Variants in FBLN1 observed in about 807,000 individuals in gnomAD.
The protein encoded by FBLN1 is fibulin-1.
FBLN1 carries 34 observed loss-of-function variants against 89.7 expected under a neutral mutation model. The observed-to-expected ratio is 0.38, with a 90% CI of 0.29 to 0.50. FBLN1 has a LOEUF of 0.50. Ranked by LOEUF, FBLN1 falls within the 20% of genes least tolerant of loss-of-function variation. FBLN1 has a pLI of 0.92. For missense variants in FBLN1, 777 were observed against 988.1 expected (o/e 0.79, Z 2.86); for synonymous variants, 393 against 391.3 (o/e 1.00, Z -0.05).
At chr22:45,510,616 G>C (rs2088086464) in intron 1 of FBLN1, among the ~76,000 whole-genome samples, 1 of 152,132 alleles carries the variant, frequency 6.6e-6, no homozygotes, top group Non-Finnish European at 1.5e-5. Context: ...CTTCTGCGAT[G>C]TTTACAGCTA....
chr22:45,541,402 C>T (rs2146980193), intron 9 of FBLN1, 30 bp downstream of exon 9: 1 of 1,613,916 alleles, frequency 6.2e-7, no homozygotes, highest in Non-Finnish European at 8.5e-7. Flanking sequence ...ATCTGAAATC[C>T]ACTTTCCTGT....
In FBLN1 at chr22:45,526,915, A is replaced by T. The variant is rs1487016605; in HGVS notation, c.322-932A>T. 2.0e-5 allele frequency among the ~76,000 whole-genome samples: 3 copies of T among 151,788 alleles called. No homozygotes were observed. In the East Asian group the frequency reaches 5.8e-4, roughly 30 times the overall value. On this transcript the variant is annotated intron_variant, in intron 3 of 16. Transcript: ENST00000327858. Reference sequence around the variant, plus strand: ...AGCTGTGCCCATGTCCCCAGACTTGAGAGGTGTGGAAAAAGCACAGAACAT... The same window carrying T: ...AGCTGTGCCCATGTCCCCAGACTTGTGAGGTGTGGAAAAAGCACAGAACAT...
At position 45,532,443 on chromosome 22, in the gene FBLN1, A is replaced by G. The variant is rs1040481867; in HGVS notation, c.545-620A>G. On this transcript the variant is annotated intron_variant, in intron 5 of 16. Transcript: ENST00000327858. This position sits in a 1 kb window ranked among gnomAD's most constrained non-coding sequence, Gnocchi z 4.2. Reference sequence around the variant, plus strand: ...CAGGGCCAGAGAGAGGGGCCCTAGAAGCAGGCAGGCTGGCAGCAGTTAGAA... The same window carrying G: ...CAGGGCCAGAGAGAGGGGCCCTAGAGGCAGGCAGGCTGGCAGCAGTTAGAA... Among the ~76,000 whole-genome samples the G allele has an allele frequency of 2.0e-5, 3 of 152,054 alleles. No individual in the cohort carries two copies. Among genetic ancestry groups the G allele is most frequent in the Non-Finnish European group, 4.4e-5 (3 of 67,972 alleles).
At chr22:45,521,112 G>A (rs1455687734) in intron 2 of FBLN1, among the ~76,000 whole-genome samples, 2 of 152,178 alleles carry the variant, frequency 1.3e-5, no homozygotes, top group Admixed American at 6.5e-5. Context: ...CACTGCGCCC[G>A]GCCAATTTTG....
rs372131154 is a variant in FBLN1, at chr22:45,552,364, G to A, written c.1697+1749G>A. 9.2e-5 allele frequency among the ~76,000 whole-genome samples: 14 copies of A among 152,310 alleles called. No homozygotes were observed. In the East Asian group the frequency reaches 2.5e-3, roughly 27 times the overall value. ...CTGAAACCTGGGCCCTGTGTGCTGTGCAGTAAGGGATTGAGCTGCTGGGCG... is the reference window on the plus strand; with the variant it reads ...CTGAAACCTGGGCCCTGTGTGCTGTACAGTAAGGGATTGAGCTGCTGGGCG... On this transcript the variant is annotated intron_variant, in intron 14 of 16. Coordinates refer to ENST00000327858, the MANE Select transcript of FBLN1 (RefSeq NM_006486.3).
rs2088671953 is a variant in FBLN1, at chr22:45,549,322, G to C, written c.1573+578G>C. On this transcript the variant is annotated intron_variant, in intron 13 of 16. Transcript: ENST00000327858. This position sits in a 1 kb window ranked among gnomAD's most constrained non-coding sequence, Gnocchi z 5.7. ...GATGTTTGTGAGCGCGTGATCCTCA[G>C]TGTACACACTGCGCCCAGAAGCTGA... Among the ~76,000 whole-genome samples the C allele has an allele frequency of 6.6e-6, 1 of 152,218 alleles. No individual in the cohort carries two copies. Among genetic ancestry groups the C allele is most frequent in the African/African-American group, 2.4e-5 (1 of 41,448 alleles).
chr22:45,558,274 G>T, intron 14 of FBLN1: 1 of 495,300 alleles, frequency 2.0e-6, no homozygotes, highest in Non-Finnish European at 3.7e-6. Flanking sequence ...TTTATGGCTA[G>T]ATGGGTCAGA....
At chr22:45,558,134 A>T in intron 14 of FBLN1, 1 of 715,698 alleles carries the variant, frequency 1.4e-6, no homozygotes, top group Non-Finnish European at 2.6e-6. Context: ...GCAAGTTGGC[A>T]GGAGTGGAGA....
Position 45,550,184 on chromosome 22 carries a change from C to G in FBLN1, c.1574-308C>G, listed in dbSNP as rs2088683561. 6.6e-6 allele frequency among the ~76,000 whole-genome samples: 1 copy of G among 152,188 alleles called. No individual in the cohort carries two copies. Among genetic ancestry groups the G allele is most frequent in the South Asian group, 2.1e-4 (1 of 4,828 alleles). On this transcript the variant is annotated intron_variant, in intron 13 of 16. Transcript: ENST00000327858. This position sits in a 1 kb window ranked among gnomAD's most constrained non-coding sequence, Gnocchi z 8.4. Reference sequence around the variant, plus strand: ...ATAACAGTATCTGCCTCATTGAGTTCTTAGGAGGATTCAGTGACTTATCCT... The same window carrying G: ...ATAACAGTATCTGCCTCATTGAGTTGTTAGGAGGATTCAGTGACTTATCCT...
chr22:45,589,792 C>A (rs1325054005), intron 16 of FBLN1, among the ~76,000 whole-genome samples: 6 of 151,986 alleles, frequency 3.9e-5, no homozygotes, highest in Non-Finnish European at 8.8e-5. Flanking sequence ...CTGAGAGCAC[C>A]AAGCTGCCTC....
At chr22:45,517,973 A>G (rs1219971050) in intron 1 of FBLN1, among the ~76,000 whole-genome samples, 2 of 152,164 alleles carry the variant, frequency 1.3e-5, no homozygotes, top group Middle Eastern at 3.4e-3. Flanking sequence ...TCTACTAAAA[A>G]TACAAAAAAG....
chr22:45,554,158 G>T (rs563633874), intron 14 of FBLN1, among the ~76,000 whole-genome samples: 1 of 152,374 alleles, frequency 6.6e-6, no homozygotes, highest in East Asian at 1.9e-4. Context: ...GGAGGACGAT[G>T]GGAGACAGTG....
intron 14 of FBLN1, among the ~76,000 whole-genome samples, chr22:45,569,952 C>G (rs191726720): frequency 9.9e-5 from 15 of 152,172 alleles, no homozygotes; most frequent in Non-Finnish European, 2.9e-5. Flanking sequence ...GAAAGCACAC[C>G]AGAAAGACGT....
At chr22:45,547,435 G>A (rs1007095539) in intron 12 of FBLN1, among the ~76,000 whole-genome samples, 3 of 110,692 alleles carry the variant, frequency 2.7e-5, no homozygotes, top group Admixed American at 2.8e-4. Flanking sequence ...TTGCTCTGTT[G>A]CCCAGGCTGG....
At chr22:45,519,449 C>T (rs926609536) in intron 2 of FBLN1, among the ~76,000 whole-genome samples, 3 of 151,530 alleles carry the variant, frequency 2.0e-5, no homozygotes, top group African/African-American at 4.9e-5. Context: ...GGTGAAACCC[C>T]GTCTCTACTA....
Position 45,547,324 on chromosome 22 carries a change from C to A in FBLN1, c.1441+120C>A, listed in dbSNP as rs956606137. 6.3e-6 allele frequency: 8 copies of A among 1,268,892 alleles called. No homozygotes were observed. The African/African-American group carries it at 9.0e-5, about 14-fold the overall frequency. 78.6% of individuals were successfully genotyped at this position (1,268,892 alleles called of 1,614,324 possible). A position where few individuals can be genotyped will look rare whatever the true frequency, so the allele number is the denominator to read the frequency against. On this transcript the variant is annotated intron_variant, in intron 12 of 16. Transcript: ENST00000327858. Reference sequence around the variant, plus strand: ...AGCCTGCTGGGATTTCTTCACCTGACAAACCTTCCATGTCCACCCTTGGAG... The same window carrying A: ...AGCCTGCTGGGATTTCTTCACCTGAAAAACCTTCCATGTCCACCCTTGGAG...
Position 45,562,800 on chromosome 22 carries a change from G to C in FBLN1, c.1698-11711G>C. Reference sequence around the variant, plus strand: ...CTTCGTGTTGGCTGAATCGGCCAGAGGGGCGGCGGGAGGCCCCGCCTGCCA... The same window carrying C: ...CTTCGTGTTGGCTGAATCGGCCAGACGGGCGGCGGGAGGCCCCGCCTGCCA... On this transcript the variant is annotated intron_variant, in intron 14 of 16. Coordinates refer to ENST00000327858, the MANE Select transcript of FBLN1 (RefSeq NM_006486.3). This position sits in a 1 kb window ranked among gnomAD's most constrained non-coding sequence, Gnocchi z 7.8. The C allele has an allele frequency of 9.6e-7, 1 of 1,040,724 alleles. No individual in the cohort carries two copies. Among genetic ancestry groups the C allele is most frequent in the Non-Finnish European group, 1.5e-6 (1 of 671,592 alleles). The allele number at this position is 1,040,724 out of a possible 1,614,324, so 64.5% of individuals were successfully genotyped here.
Position 45,574,714 on chromosome 22 carries a change from G to A in FBLN1, c.1840+61G>A. On this transcript the variant is annotated intron_variant, in intron 15 of 16. Transcript: ENST00000327858. The surrounding 1 kb of genome is among the most constrained non-coding windows in gnomAD (Gnocchi z 4.1). Reference sequence around the variant, plus strand: ...TAGGGCCTCCCTCGGCTTCAGCTGAGGGCTTGGCCTACAGGAGTTGTTCCT... The same window carrying A: ...TAGGGCCTCCCTCGGCTTCAGCTGAAGGCTTGGCCTACAGGAGTTGTTCCT... The A allele has an allele frequency of 6.7e-7, 1 of 1,498,200 alleles. No individual in the cohort carries two copies. The highest frequency in any genetic ancestry group is 9.2e-7 in the Non-Finnish European group (1 of 1,088,436). 92.8% of individuals were successfully genotyped at this position (1,498,200 alleles called of 1,614,324 possible). A position where few individuals can be genotyped will look rare whatever the true frequency, so the allele number is the denominator to read the frequency against.
chr22:45,541,283 T>C lies in FBLN1; in HGVS notation c.977T>C (p.Ile326Thr). ...SAPCPIGHTC[I>T]NTEGSYTCQK... ...CCGTGCCCTATCGGGCATACATGCA[T>C]CAACACAGAGGGCTCCTACACGTGC... The change falls in exon 9 of 17, where the codon ATC (isoleucine) becomes ACC (threonine). Residue 326 changes from isoleucine (I) to threonine (T), a missense_variant. Transcript: ENST00000327858. 6.2e-7 allele frequency: 1 copy of C among 1,614,226 alleles called. No homozygotes were observed. Among genetic ancestry groups the C allele is most frequent in the Non-Finnish European group, 8.5e-7 (1 of 1,180,024 alleles).
Sources: allele counts gnomAD v4.1 joint callset (sites outside exome capture counted in the v4.1 genomes callset), GRCh38; gene constraint gnomAD v4.1.1; non-coding constraint Gnocchi (gnomAD v3.1); transcripts MANE v1.5; gene names NCBI Gene and HGNC (gene_info 2026-07-23, HGNC 2026-07-21).